The following TAFA5 variants were observed in gnomAD, a reference collection of about 807,000 sequenced individuals.
TAFA5 encodes the protein TAFA chemokine like family member 5.
TAFA5 carries 6 observed loss-of-function variants against 15.3 expected under a neutral mutation model. That is an observed-to-expected ratio of 0.39 (90% CI 0.21 to 0.77). The LOEUF (loss-of-function observed/expected upper bound fraction) is 0.77. Among genes scored for constraint, TAFA5 ranks in the 30% least tolerant of loss-of-function variants. The pLI is 0.41. For synonymous variants in TAFA5, 103 were observed against 80.7 expected (o/e 1.28, Z -1.48); for missense variants, 161 against 193.1 (o/e 0.83, Z 0.98).
Position 48,566,211 on chromosome 22 carries a change from G to A in TAFA5, c.112+76507G>A, listed in dbSNP as rs888667532. 1.3e-5 allele frequency among the ~76,000 whole-genome samples: 2 copies of A among 151,608 alleles called. No homozygotes were observed. Among genetic ancestry groups the A allele is most frequent in the African/African-American group, 4.8e-5 (2 of 41,240 alleles). On this transcript the variant is annotated intron_variant, in intron 1 of 3. Transcript: ENST00000402357. The surrounding 1 kb of genome is among the most constrained non-coding windows in gnomAD (Gnocchi z 4.5). The stretch of plus-strand genomic sequence containing the variant: ...GATGGATGGGTGGATGGTGGATGAT[G>A]GGTGGATGGTAGGTAGATGGATGAT...
At chr22:48,716,054 G>T (rs1024533555) in intron 3 of TAFA5, among the ~76,000 whole-genome samples, 1 of 152,198 alleles carries the variant, frequency 6.6e-6, no homozygotes, top group Non-Finnish European at 1.5e-5. Flanking sequence ...TCAGATGGTT[G>T]TAGATGTGTA....
At chr22:48,713,606 C>T (rs915685733) in intron 3 of TAFA5, among the ~76,000 whole-genome samples, 1 of 152,242 alleles carries the variant, frequency 6.6e-6, no homozygotes, top group Non-Finnish European at 1.5e-5. Context: ...GTGGTCATCT[C>T]GTGGTTCGAG....
chr22:48,514,567 C>T (rs915175237), intron 1 of TAFA5, among the ~76,000 whole-genome samples: 2 of 152,080 alleles, frequency 1.3e-5, no homozygotes, highest in Non-Finnish European at 2.9e-5. Flanking sequence ...CTGAGGAAAC[C>T]GAGAACCGCC....
At chr22:48,563,485 GGT>G (rs1923308006) in intron 1 of TAFA5, among the ~76,000 whole-genome samples, 1 of 152,206 alleles carries the variant, frequency 6.6e-6, no homozygotes, top group Non-Finnish European at 1.5e-5. Context: ...TCTGAAGGCG[GGT>G]GGCGTGTGGG....
intron 1 of TAFA5, among the ~76,000 whole-genome samples, chr22:48,603,328 A>G (rs1925043585): frequency 6.6e-6 from 1 of 152,248 alleles, no homozygotes; most frequent in Non-Finnish European, 1.5e-5. Context: ...AGTCATGGAC[A>G]GATGAGATGC....
intron 1 of TAFA5, among the ~76,000 whole-genome samples, chr22:48,535,748 C>T (rs187899565): frequency 2.5e-4 from 37 of 150,132 alleles, no homozygotes; most frequent in African/African-American, 8.1e-4. Flanking sequence ...ATCACACGCA[C>T]GGTCACACTG....
chr22:48,704,631 T>C (rs1039492263), intron 2 of TAFA5, among the ~76,000 whole-genome samples: 1 of 151,786 alleles, frequency 6.6e-6, no homozygotes, highest in Non-Finnish European at 1.5e-5. Flanking sequence ...GGGGGTTCCC[T>C]ATCCCCACGT....
intron 1 of TAFA5, among the ~76,000 whole-genome samples, chr22:48,577,534 T>C (rs1923859175): frequency 6.6e-6 from 1 of 152,236 alleles, no homozygotes; most frequent in Non-Finnish European, 1.5e-5. Context: ...CTGGGAAGGC[T>C]GAGCACCGGA....
At chr22:48,592,510 TC>T (rs1299489611) in intron 1 of TAFA5, among the ~76,000 whole-genome samples, 1 of 152,170 alleles carries the variant, frequency 6.6e-6, no homozygotes, top group African/African-American at 2.4e-5. Flanking sequence ...CCAGGTCTCT[TC>T]CCCCTCCTGC....
intron 1 of TAFA5, among the ~76,000 whole-genome samples, chr22:48,509,165 C>T (rs973041015): frequency 2.6e-5 from 4 of 152,220 alleles, no homozygotes; most frequent in Non-Finnish European, 5.9e-5. Flanking sequence ...CGGCTGAATA[C>T]TACTCCAGTG....
chr22:48,631,748 G>A (rs543650253), intron 1 of TAFA5, among the ~76,000 whole-genome samples: 8 of 152,214 alleles, frequency 5.3e-5, no homozygotes, highest in Admixed American at 2.0e-4. Context: ...GAAATCTGAC[G>A]CCCTCCAGGT....
chr22:48,749,626 G>T (rs752599002), intron 3 of TAFA5, among the ~76,000 whole-genome samples: 8 of 152,188 alleles, frequency 5.3e-5, no homozygotes, highest in Admixed American at 1.3e-4. Flanking sequence ...CACAGAGGGC[G>T]CCCCACTCTC....
chr22:48,631,238 G>A (rs545104569), intron 1 of TAFA5, among the ~76,000 whole-genome samples: 1 of 152,308 alleles, frequency 6.6e-6, no homozygotes, highest in African/African-American at 2.4e-5. Context: ...GCCAGGCCAG[G>A]GTGAAGTGGG....
At position 48,552,480 on chromosome 22, in the gene TAFA5, G is replaced by A. The variant is rs887230356; in HGVS notation, c.112+62776G>A. 9.2e-5 allele frequency among the ~76,000 whole-genome samples: 14 copies of A among 152,092 alleles called. No individual in the cohort carries two copies. Among genetic ancestry groups the A allele is most frequent in the Non-Finnish European group, 1.8e-4 (12 of 68,002 alleles). ...CTTATGAGCGTGTACATCCTCTCTC[G>A]GGGTCCTGCAGGCCACGAGGTGGGC... On this transcript the variant is annotated intron_variant, in intron 1 of 3. Coordinates refer to ENST00000402357, the MANE Select transcript of TAFA5 (RefSeq NM_001082967.3). This position sits in a 1 kb window ranked among gnomAD's most constrained non-coding sequence, Gnocchi z 4.1.
chr22:48,743,306 T>C (rs1017477310), intron 3 of TAFA5, among the ~76,000 whole-genome samples: 8 of 152,224 alleles, frequency 5.3e-5, no homozygotes, highest in African/African-American at 1.9e-4. Flanking sequence ...TCCCTGCCTC[T>C]TGCAGCCGCT....
chr22:48,521,385 A>G (rs913470337), intron 1 of TAFA5, among the ~76,000 whole-genome samples: 3 of 152,032 alleles, frequency 2.0e-5, no homozygotes, highest in African/African-American at 7.2e-5. Context: ...CTTGCCAGGC[A>G]GCCAGCTTTG....
At chr22:48,515,880 C>T (rs1272562969) in intron 1 of TAFA5, among the ~76,000 whole-genome samples, 1 of 151,966 alleles carries the variant, frequency 6.6e-6, no homozygotes, top group Non-Finnish European at 1.5e-5. Flanking sequence ...CTGCTGGCTC[C>T]CCCAGGGGTC....
At chr22:48,610,306 G>C (rs114074907) in intron 1 of TAFA5, among the ~76,000 whole-genome samples, 1 of 152,212 alleles carries the variant, frequency 6.6e-6, no homozygotes, top group Non-Finnish European at 1.5e-5. Flanking sequence ...CCCGTTGCTC[G>C]TGATTCTTTC....
rs1451252425 is a variant in TAFA5 at position 48,729,342 on chromosome 22, T to TATA, written c.391-20496_391-20494dup. On this transcript the variant is annotated intron_variant, in intron 3 of 3. Transcript: ENST00000402357. ...ATATTTTTATATTTATTTGTAAATA[T>TATA]ATATTTTTATATTAGTATATAATAA... is the stretch of plus-strand genomic sequence containing the variant. Among the ~76,000 whole-genome samples, 41 of 13,702 alleles carry TATA rather than the reference T, an allele frequency of 3.0e-3. 1 individual carries two copies. The East Asian group carries it at 0.1, about 33-fold the overall frequency. 9.0% of individuals were successfully genotyped at this position (13,702 alleles called of 152,430 possible).
Sources: allele counts gnomAD v4.1 joint callset (sites outside exome capture counted in the v4.1 genomes callset), GRCh38; gene constraint gnomAD v4.1.1; non-coding constraint Gnocchi (gnomAD v3.1); transcripts MANE v1.5; gene names NCBI Gene and HGNC (gene_info 2026-07-23, HGNC 2026-07-21).